The following POLN variants were observed in gnomAD, a reference collection of about 807,000 sequenced individuals.
POLN encodes DNA polymerase nu.
POLN carries 108 observed loss-of-function variants against 113.5 expected under a neutral mutation model. The ratio of observed to expected loss-of-function variants is 0.95; its 90% CI spans 0.81 to 1.12. The LOEUF (loss-of-function observed/expected upper bound fraction) is 1.12. Among genes scored for constraint, POLN ranks in the 50% most tolerant of loss-of-function variants. The pLI is 0.00. For missense variants in POLN, 1,097 were observed against 1,077.1 expected, an observed-to-expected ratio of 1.02 and a Z score of -0.26; for synonymous variants, 386 against 391.5, an observed-to-expected ratio of 0.99 and a Z score of 0.17.
At chr4:2,141,492 G>A (rs1414746242) in intron 16 of POLN, among the ~76,000 whole-genome samples, 3 of 152,144 alleles carry the variant, frequency 2.0e-5, no homozygotes, top group Non-Finnish European at 4.4e-5. Flanking sequence ...TGTGGGCCTC[G>A]GCTGCCCATG....
intron 7 of POLN, among the ~76,000 whole-genome samples, chr4:2,184,764 C>A (rs995785603): frequency 7.2e-5 from 11 of 152,296 alleles, no homozygotes; most frequent in Admixed American, 2.6e-4. Context: ...TACCACAAAT[C>A]AAAGAAGATG....
intron 24 of POLN, among the ~76,000 whole-genome samples, chr4:2,073,734 G>C (rs1560960563): frequency 6.6e-6 from 1 of 152,256 alleles, no homozygotes; most frequent in Non-Finnish European, 1.5e-5. Flanking sequence ...ACACTGCAAT[G>C]CAAAGATGGC....
intron 5 of POLN, among the ~76,000 whole-genome samples, chr4:2,201,064 G>A (rs531130528): frequency 2.6e-5 from 4 of 151,986 alleles, no homozygotes; most frequent in African/African-American, 4.8e-5. Flanking sequence ...TCGGGAGATC[G>A]AGACCATCCT....
chr4:2,121,448 A>ATATATATATAT (rs201923056), intron 19 of POLN, among the ~76,000 whole-genome samples: 8 of 124,808 alleles, frequency 6.4e-5, no homozygotes, highest in South Asian at 2.7e-4. Context: ...AAAAAAAAAA[A>ATATATATATAT]AAAAATATAT....
intron 16 of POLN, among the ~76,000 whole-genome samples, chr4:2,152,351 T>C (rs1732317433): frequency 6.7e-6 from 1 of 149,428 alleles, no homozygotes; most frequent in African/African-American, 2.5e-5. Flanking sequence ...TTTTTTTTTT[T>C]TTTTTTAGGA....
At chr4:2,080,636 G>A (rs1730386067) in intron 23 of POLN, 11 of 1,268,044 alleles carry the variant, frequency 8.7e-6, no homozygotes, top group Non-Finnish European at 1.1e-5. Flanking sequence ...TCAAGGGGCT[G>A]AGGGGTTCGC....
At chr4:2,095,070 A>G (rs141362905) in intron 20 of POLN, among the ~76,000 whole-genome samples, 46 of 152,188 alleles carry the variant, frequency 3.0e-4, no homozygotes, top group African/African-American at 1.0e-3. Flanking sequence ...AGCATGACCC[A>G]GGGCCAGAAA....
intron 3 of POLN, among the ~76,000 whole-genome samples, chr4:2,223,327 G>A (rs1381272237): frequency 6.6e-6 from 1 of 152,190 alleles, no homozygotes; most frequent in Admixed American, 6.5e-5. Flanking sequence ...AGAGCAGCAG[G>A]TGAGTGAGCA....
At chr4:2,201,420 A>G (rs534079313) in intron 5 of POLN, among the ~76,000 whole-genome samples, 1 of 151,750 alleles carries the variant, frequency 6.6e-6, no homozygotes, top group Admixed American at 6.6e-5. Flanking sequence ...AAATCTCACC[A>G]TTAGAATCAA....
At chr4:2,198,811 G>T in intron 5 of POLN, 94 bp from the exon 6 acceptor site, 4 of 1,202,782 alleles carry the variant, frequency 3.3e-6, no homozygotes, top group Non-Finnish European at 2.3e-6. Context: ...AAGAGAAAAG[G>T]CCTAAAATTA....
intron 2 of POLN, chr4:2,238,467 ATGG>A: frequency 1.9e-6 from 1 of 537,918 alleles, no homozygotes; most frequent in Non-Finnish European, 3.2e-6. Flanking sequence ...GCATATGAAA[ATGG>A]AAAAAAAATA....
At chr4:2,083,646 G>A (rs1470023900) in intron 21 of POLN, among the ~76,000 whole-genome samples, 1 of 152,246 alleles carries the variant, frequency 6.6e-6, no homozygotes, top group East Asian at 1.9e-4. Flanking sequence ...CCTTTGTGGT[G>A]ATGCTCGCAT....
chr4:2,080,110 G>A (rs910166242), intron 23 of POLN: 3 of 985,428 alleles, frequency 3.0e-6, no homozygotes, highest in African/African-American at 3.5e-5. Context: ...CTGACACTGT[G>A]GGGGGCTGGG....
intron 2 of POLN, among the ~76,000 whole-genome samples, chr4:2,236,907 ATTAT>A (rs1271313302): frequency 1.3e-5 from 2 of 149,926 alleles, no homozygotes; most frequent in Non-Finnish European, 3.0e-5. Flanking sequence ...TAATATTATT[ATTAT>A]TTGTGTGCCT....
chr4:2,165,088 A>G (rs1158625345), intron 13 of POLN, among the ~76,000 whole-genome samples: 2 of 152,204 alleles, frequency 1.3e-5, no homozygotes, highest in Non-Finnish European at 2.9e-5. Context: ...GCTTGCCCAG[A>G]TAAGCTGAAA....
chr4:2,085,864 T>G (rs1730538274), intron 20 of POLN, 120 bp from the exon 21 acceptor site: 1 of 1,390,780 alleles, frequency 7.2e-7, no homozygotes, highest in African/African-American at 1.4e-5. Flanking sequence ...TGGGATGGAG[T>G]TGGCGTTGAC....
chr4:2,101,987 C>A (rs890018186), intron 19 of POLN, among the ~76,000 whole-genome samples: 2 of 152,090 alleles, frequency 1.3e-5, no homozygotes, highest in Non-Finnish European at 2.9e-5. Flanking sequence ...GGGGAGGATG[C>A]CTGGATTGGA....
chr4:2,109,560 T>C (rs367596725), intron 19 of POLN, among the ~76,000 whole-genome samples: 2 of 152,240 alleles, frequency 1.3e-5, no homozygotes, highest in African/African-American at 4.8e-5. Flanking sequence ...TTTAAAGTTG[T>C]TTTAATAGGT....
At chr4:2,167,414 G>C (rs1033288484) in intron 13 of POLN, among the ~76,000 whole-genome samples, 6 of 152,156 alleles carry the variant, frequency 3.9e-5, no homozygotes, top group Non-Finnish European at 8.8e-5. Context: ...TGCCTGCTGA[G>C]GGGAGGGAAT....
Sources: allele counts gnomAD v4.1 joint callset (sites outside exome capture counted in the v4.1 genomes callset), GRCh38; gene constraint gnomAD v4.1.1; transcripts MANE v1.5; gene names NCBI Gene and HGNC (gene_info 2026-07-23, HGNC 2026-07-21).